The following GALNT15 variants were observed in gnomAD, a reference collection of about 807,000 sequenced individuals.
The protein encoded by GALNT15 is UDP-GalNAc transferase T15.
In GALNT15, 67 loss-of-function variants were observed where a neutral mutation model predicts 66.8. That is an observed-to-expected ratio of 1.00 (90% CI 0.82 to 1.23). The LOEUF (loss-of-function observed/expected upper bound fraction) is 1.23. Ranked by LOEUF, GALNT15 falls within the 50% of genes most tolerant of loss-of-function variation. GALNT15 has a pLI of 0.00. For synonymous variants in GALNT15, 313 were observed against 311.5 expected, an observed-to-expected ratio of 1.00 and a Z score of -0.05; for missense variants, 827 against 804.3, an observed-to-expected ratio of 1.03 and a Z score of -0.34.
At chr3:16,217,073 A>AC (rs1367313367) in intron 6 of GALNT15, among the ~76,000 whole-genome samples, 2 of 152,180 alleles carry the variant, frequency 1.3e-5, no homozygotes, top group African/African-American at 4.8e-5. Context: ...CTGACTAGCT[A>AC]CCTAATAAAA....
At chr3:16,179,977 C>G (rs17041964) in intron 1 of GALNT15, among the ~76,000 whole-genome samples, 71,184 of 152,038 alleles carry the variant, frequency 0.47, 17,092 homozygotes, top group East Asian at 0.53. Flanking sequence ...CCCCAGCTCT[C>G]CTTTGATCAT....
the GALNT15 span, among the ~76,000 whole-genome samples, chr3:16,240,221 A>G: frequency 5.9e-5 from 9 of 152,254 alleles, no homozygotes; most frequent in Non-Finnish European, 1.0e-4. Flanking sequence ...AAACCAGATT[A>G]TAATGCCCTT....
intron 8 of GALNT15, among the ~76,000 whole-genome samples, chr3:16,221,679 C>T (rs2063944110): frequency 6.6e-6 from 1 of 152,130 alleles, no homozygotes; most frequent in Non-Finnish European, 1.5e-5. Flanking sequence ...AATACCCACC[C>T]CCTGCCACAG....
chr3:16,237,163 A>G, the GALNT15 span, among the ~76,000 whole-genome samples: 1 of 152,246 alleles, frequency 6.6e-6, no homozygotes, highest in Non-Finnish European at 1.5e-5. The surrounding 1 kb of genome is among the most constrained non-coding windows in gnomAD (Gnocchi z 4.2). Context: ...TCTGGCGTTC[A>G]ATTTAGCCAG....
intron 3 of GALNT15, among the ~76,000 whole-genome samples, chr3:16,206,174 T>G (rs2063754482): frequency 6.6e-6 from 1 of 151,656 alleles, no homozygotes; most frequent in Admixed American, 6.6e-5. Flanking sequence ...GCTCAGGAGT[T>G]CGAGACTAGC....
In GALNT15 at chr3:16,209,440, A is replaced by G. The variant is rs2063789384; in HGVS notation, c.1079+770A>G. ...GAGACGACTGCTTCACTGCTATGCT[A>G]TATTTTAAATACAAGGCCACAGTTC... On this transcript the variant is annotated intron_variant, in intron 4 of 9. Transcript: ENST00000339732. This position sits in a 1 kb window ranked among gnomAD's most constrained non-coding sequence, Gnocchi z 4.1. Among the ~76,000 whole-genome samples the G allele has an allele frequency of 6.6e-6, 1 of 152,246 alleles. No homozygotes were observed. The highest frequency in any genetic ancestry group is 1.5e-5 in the Non-Finnish European group (1 of 68,042).
At chr3:16,247,519 G>C in the GALNT15 span, among the ~76,000 whole-genome samples, 1 of 152,186 alleles carries the variant, frequency 6.6e-6, no homozygotes. Flanking sequence ...AACCAGGTCA[G>C]CCTGCAACAA....
intron 6 of GALNT15, among the ~76,000 whole-genome samples, chr3:16,215,626 G>C (rs922208182): frequency 1.4e-4 from 22 of 152,062 alleles, no homozygotes; most frequent in Non-Finnish European, 1.5e-5. Context: ...TATCGAAGGT[G>C]CTCGGCTGGG....
chr3:16,241,216 G>T, the GALNT15 span, among the ~76,000 whole-genome samples: 1 of 152,078 alleles, frequency 6.6e-6, no homozygotes, highest in Non-Finnish European at 1.5e-5. This position sits in a 1 kb window ranked among gnomAD's most constrained non-coding sequence, Gnocchi z 4.6. Context: ...TTAGCTTTTT[G>T]CCCAGAGTCC....
At chr3:16,239,371 C>G in the GALNT15 span, among the ~76,000 whole-genome samples, 1 of 152,134 alleles carries the variant, frequency 6.6e-6, no homozygotes. The surrounding 1 kb of genome is among the most constrained non-coding windows in gnomAD (Gnocchi z 5.2). Flanking sequence ...TTTTGAGATG[C>G]CTCCTCTCTC....
chr3:16,190,589 G>A (rs930442716), intron 1 of GALNT15, among the ~76,000 whole-genome samples: 1 of 140,702 alleles, frequency 7.1e-6, no homozygotes, highest in Middle Eastern at 4.3e-3. Context: ...AGTGAGCCAA[G>A]ATCGCGCCAC....
the GALNT15 span, among the ~76,000 whole-genome samples, chr3:16,248,016 C>T: frequency 6.6e-6 from 1 of 152,194 alleles, no homozygotes; most frequent in East Asian, 1.9e-4. The surrounding 1 kb of genome is among the most constrained non-coding windows in gnomAD (Gnocchi z 4.9). Flanking sequence ...GCCTCCTAGC[C>T]GCAGTCCCAC....
intron 2 of GALNT15, among the ~76,000 whole-genome samples, chr3:16,196,862 G>A (rs967233945): frequency 1.3e-4 from 20 of 152,058 alleles, no homozygotes; most frequent in African/African-American, 4.8e-4. Flanking sequence ...GAGGGAAGCC[G>A]AGCATTCACG....
At chr3:16,205,257 T>G (rs1297162293) in intron 3 of GALNT15, among the ~76,000 whole-genome samples, 1 of 152,180 alleles carries the variant, frequency 6.6e-6, no homozygotes, top group Non-Finnish European at 1.5e-5. Flanking sequence ...AAATGGCTTG[T>G]GTATCATGGA....
chr3:16,179,759 G>A (rs938951206), intron 1 of GALNT15, among the ~76,000 whole-genome samples: 1 of 152,210 alleles, frequency 6.6e-6, no homozygotes, highest in African/African-American at 2.4e-5. Context: ...AAATGGTTGT[G>A]CTGTGGGAAA....
At chr3:16,245,583 T>A in the GALNT15 span, among the ~76,000 whole-genome samples, 179 of 152,344 alleles carry the variant, frequency 1.2e-3, no homozygotes, top group African/African-American at 4.1e-3. Context: ...AACATTTTGA[T>A]GGCATGTGAC....
rs183531206 is a variant in GALNT15, at chr3:16,211,184, A to C, written c.1140A>C (p.Gly380=). ...AMDRHYFQNT[G]AYDSLMSLRG... The stretch of plus-strand genomic sequence containing the variant: ...ACAGACATTACTTCCAAAACACTGG[A>C]GCGTATGACTCTCTTATGTCGCTGC... The change falls in exon 5 of 10, where the codon GGA becomes GGC. Residue 380 remains glycine, a synonymous_variant. Transcript: ENST00000339732. The surrounding 1 kb of genome is among the most constrained non-coding windows in gnomAD (Gnocchi z 4.3). 9.9e-5 allele frequency: 160 copies of C among 1,614,016 alleles called. No homozygotes were observed. Among genetic ancestry groups the C allele is most frequent in the Admixed American group, 9.7e-4 (58 of 60,014 alleles).
rs1332891489 is a variant in GALNT15, at chr3:16,175,064, C to T, written c.-88C>T. ...AAAAACTTCCAGGTGGAACAAGCAACCCAGGTTCTGCTGCAAGCTTGAAGG... is the reference window on the plus strand; with the variant it reads ...AAAAACTTCCAGGTGGAACAAGCAATCCAGGTTCTGCTGCAAGCTTGAAGG... On this transcript the variant is annotated 5_prime_UTR_variant, in exon 1 of 10. Transcript: ENST00000339732. The surrounding 1 kb of genome is among the most constrained non-coding windows in gnomAD (Gnocchi z 5.6). 3.7e-6 allele frequency: 5 copies of T among 1,342,308 alleles called. No homozygotes were observed. The South Asian group carries it at 4.1e-5, about 11-fold the overall frequency. The allele number at this position is 1,342,308 out of a possible 1,614,324, so 83.1% of individuals were successfully genotyped here.
At chr3:16,196,205 G>C (rs1200938733) in intron 2 of GALNT15, among the ~76,000 whole-genome samples, 2 of 152,034 alleles carry the variant, frequency 1.3e-5, no homozygotes, top group Non-Finnish European at 2.9e-5. Context: ...GATCCCGTGG[G>C]GATCTCTCTC....
Sources: gnomAD v4.1 joint callset for allele counts (sites outside exome capture counted in the v4.1 genomes callset) on GRCh38, gnomAD v4.1.1 for gene constraint, Gnocchi (gnomAD v3.1) non-coding constraint, MANE v1.5 for transcripts, NCBI Gene and HGNC (gene_info 2026-07-23, HGNC 2026-07-21) for gene names.